GRM7: variants seen among roughly 807,000 people sequenced by gnomAD.
The protein encoded by GRM7 is glutamate metabotropic receptor 7.
GRM7 carries 35 observed loss-of-function variants against 84.5 expected under a neutral mutation model. That is an observed-to-expected ratio of 0.41 (90% CI 0.32 to 0.55). The LOEUF (loss-of-function observed/expected upper bound fraction) is 0.55. Among genes scored for constraint, GRM7 ranks in the 20% least tolerant of loss-of-function variants. The pLI is 0.19. For synonymous variants in GRM7, 487 were observed against 455.1 expected (o/e 1.07, Z -0.89); for missense variants, 1,003 against 1,194.6 (o/e 0.84, Z 2.36).
At chr3:7,120,481 T>C (rs925297579) in intron 1 of GRM7, among the ~76,000 whole-genome samples, 1 of 152,118 alleles carries the variant, frequency 6.6e-6, no homozygotes, top group African/African-American at 2.4e-5. Context: ...TCCCCTTAGG[T>C]AGCTACAAAA....
At chr3:7,125,676 G>A (rs770170387) in intron 1 of GRM7, among the ~76,000 whole-genome samples, 3 of 152,102 alleles carry the variant, frequency 2.0e-5, no homozygotes, top group Non-Finnish European at 4.4e-5. Flanking sequence ...ATATTGTGAC[G>A]TGACAGCTTT....
At chr3:7,587,531 G>A (rs1359293984) in intron 8 of GRM7, among the ~76,000 whole-genome samples, 1 of 152,184 alleles carries the variant, frequency 6.6e-6, no homozygotes, top group Non-Finnish European at 1.5e-5. Context: ...GGAGAGACGG[G>A]TAGAGGCAAA....
intron 1 of GRM7, among the ~76,000 whole-genome samples, chr3:6,892,342 A>G (rs1695991244): frequency 6.6e-6 from 1 of 151,430 alleles, no homozygotes; most frequent in Non-Finnish European, 1.5e-5. Flanking sequence ...TGGGTCAGCG[A>G]GGCAGGCCTG....
intron 1 of GRM7, among the ~76,000 whole-genome samples, chr3:6,883,704 C>T (rs1695592126): frequency 6.6e-6 from 1 of 152,124 alleles, no homozygotes; most frequent in African/African-American, 2.4e-5. Flanking sequence ...GCAAGAACAG[C>T]CTAGGAAAGC....
At chr3:7,246,582 T>C (rs1405440441) in intron 2 of GRM7, among the ~76,000 whole-genome samples, 2 of 152,122 alleles carry the variant, frequency 1.3e-5, no homozygotes, top group East Asian at 3.9e-4. Flanking sequence ...AAACACCTGA[T>C]TTTACCCTGT....
intron 4 of GRM7, among the ~76,000 whole-genome samples, chr3:7,372,339 T>C (rs1694172980): frequency 6.6e-6 from 1 of 152,204 alleles, no homozygotes; most frequent in African/African-American, 2.4e-5. Context: ...AGTATCCATT[T>C]TGTGTCCTCA....
At chr3:7,311,841 A>G (rs1348112166) in intron 4 of GRM7, among the ~76,000 whole-genome samples, 1 of 152,050 alleles carries the variant, frequency 6.6e-6, no homozygotes, top group African/African-American at 2.4e-5. Context: ...GTCATCCGCC[A>G]GCCTCAGCCT....
intron 1 of GRM7, among the ~76,000 whole-genome samples, chr3:6,952,644 A>C (rs1692837013): frequency 6.6e-6 from 1 of 152,294 alleles, no homozygotes; most frequent in Non-Finnish European, 1.5e-5. Flanking sequence ...CTCTCAGGGG[A>C]AAACTGATCC....
rs112915718 is a variant in GRM7 at position 7,674,415 on chromosome 3, C to T, written c.2452-5634C>T. Among the ~76,000 whole-genome samples the T allele has an allele frequency of 3.3e-3, 495 of 152,246 alleles. 3 individuals carry two copies. The highest frequency in any genetic ancestry group is 0.012 in the African/African-American group (478 of 41,518). On this transcript the variant is annotated intron_variant, in intron 8 of 9. Transcript: ENST00000357716. ...CCACATTGGCCAGGCTGGTCTTGAA[C>T]TCCTGACCTCAGGTGATCTGCCTGC...
chr3:7,110,975 G>A (rs1388849403), intron 1 of GRM7, among the ~76,000 whole-genome samples: 1 of 152,132 alleles, frequency 6.6e-6, no homozygotes, highest in African/African-American at 2.4e-5. Context: ...GGGGAAGACA[G>A]AATGGGTGGA....
intron 7 of GRM7, among the ~76,000 whole-genome samples, chr3:7,474,211 A>G (rs116247826): frequency 9.7e-4 from 148 of 152,334 alleles, no homozygotes; most frequent in Admixed American, 1.6e-3. Context: ...CTTAAGCAAG[A>G]CAATTCCATA....
At chr3:7,617,020 T>C (rs1697117566) in intron 8 of GRM7, among the ~76,000 whole-genome samples, 1 of 152,124 alleles carries the variant, frequency 6.6e-6, no homozygotes, top group Admixed American at 6.6e-5. Context: ...CTTACTGTAT[T>C]GCATGGCAAG....
At chr3:7,564,816 G>T (rs1694186845) in intron 7 of GRM7, among the ~76,000 whole-genome samples, 1 of 152,094 alleles carries the variant, frequency 6.6e-6, no homozygotes, top group Non-Finnish European at 1.5e-5. Flanking sequence ...AGGCGATGAA[G>T]CCAGGCTTTG....
At chr3:6,942,442 C>T (rs1013312408) in intron 1 of GRM7, among the ~76,000 whole-genome samples, 3 of 152,000 alleles carry the variant, frequency 2.0e-5, no homozygotes, top group Non-Finnish European at 2.9e-5. Flanking sequence ...ATTAAGCTTC[C>T]GTCAGATTTA....
At chr3:7,152,745 T>C (rs944530591) in intron 2 of GRM7, among the ~76,000 whole-genome samples, 2 of 152,220 alleles carry the variant, frequency 1.3e-5, no homozygotes, top group African/African-American at 4.8e-5. Flanking sequence ...CTTTTTAACA[T>C]CACAATATTC....
At chr3:6,907,302 G>A (rs1483068138) in intron 1 of GRM7, among the ~76,000 whole-genome samples, 1 of 152,164 alleles carries the variant, frequency 6.6e-6, no homozygotes, top group Non-Finnish European at 1.5e-5. Context: ...CTTCACAGGT[G>A]AACCTACTGT....
At chr3:7,403,656 TACA>T (rs1222808411) in intron 4 of GRM7, among the ~76,000 whole-genome samples, 1 of 145,938 alleles carries the variant, frequency 6.9e-6, no homozygotes, top group African/African-American at 2.5e-5. Context: ...TATATGTACA[TACA>T]CACACATTTT....
intron 8 of GRM7, among the ~76,000 whole-genome samples, chr3:7,671,583 A>ATT (rs1370512035): frequency 1.3e-5 from 2 of 150,858 alleles, no homozygotes; most frequent in African/African-American, 4.9e-5. Context: ...CAGTGAAACT[A>ATT]GGTCTTGTCC....
chr3:7,183,524 G>C (rs1182446089), intron 2 of GRM7, among the ~76,000 whole-genome samples: 1 of 152,178 alleles, frequency 6.6e-6, no homozygotes, highest in Non-Finnish European at 1.5e-5. Flanking sequence ...CTACTCGGGA[G>C]GCTGAGGCAG....
Sources: gnomAD v4.1 joint callset for allele counts (sites outside exome capture counted in the v4.1 genomes callset) on GRCh38, gnomAD v4.1.1 for gene constraint, MANE v1.5 for transcripts, NCBI Gene and HGNC (gene_info 2026-07-23, HGNC 2026-07-21) for gene names.